PIWIL4: variants seen among roughly 807,000 people sequenced by gnomAD.
PIWIL4 encodes the protein piwi-like protein 4.
In PIWIL4, 50 loss-of-function variants were observed where a neutral mutation model predicts 100.9. The observed-to-expected ratio is 0.50, with a 90% CI of 0.39 to 0.63. PIWIL4 has a LOEUF of 0.63. Among genes scored for constraint, PIWIL4 ranks in the 20% least tolerant of loss-of-function variants. The pLI, the probability that PIWIL4 is intolerant of heterozygous loss-of-function variation, is 0.00. For synonymous variants in PIWIL4, 342 were observed against 367.5 expected, an observed-to-expected ratio of 0.93 and a Z score of 0.79; for missense variants, 887 against 1,043.3, an observed-to-expected ratio of 0.85 and a Z score of 2.06.
At chr11:94,605,805 CTTA>C (rs1948708976) in intron 13 of PIWIL4, among the ~76,000 whole-genome samples, 1 of 152,252 alleles carries the variant, frequency 6.6e-6, no homozygotes, top group East Asian at 1.9e-4. Context: ...GTCCATTACT[CTTA>C]TTATTTATTT....
At chr11:94,600,933 A>C (rs981842679) in intron 11 of PIWIL4, among the ~76,000 whole-genome samples, 1 of 152,008 alleles carries the variant, frequency 6.6e-6, no homozygotes, top group Admixed American at 6.6e-5. Context: ...GTTTAAGATT[A>C]TCTCTCTTTT....
At chr11:94,598,094 G>A (rs1948580785) in intron 11 of PIWIL4, among the ~76,000 whole-genome samples, 179 bp downstream of exon 11, 1 of 152,098 alleles carries the variant, frequency 6.6e-6, no homozygotes. Context: ...TTACTTGCAC[G>A]GACTTAGCGG....
chr11:94,573,529 T>C (rs1948190016), intron 2 of PIWIL4, among the ~76,000 whole-genome samples: 1 of 152,246 alleles, frequency 6.6e-6, no homozygotes, highest in South Asian at 2.1e-4. Flanking sequence ...AGGCCTTTTC[T>C]GCATCTATTG....
In PIWIL4 at chr11:94,608,528, T is replaced by C. The variant is rs181302469; in HGVS notation, c.1840-55T>C. ...TTTAAAAACTTTCCTATTAAACCAT[T>C]GGTAGGGGAAATGATACCTCATCCC... On this transcript the variant is annotated intron_variant, in intron 14 of 19. Coordinates refer to ENST00000299001, the MANE Select transcript of PIWIL4 (RefSeq NM_152431.3). 5.4e-3 allele frequency: 7,901 copies of C among 1,466,888 alleles called. 40 individuals carry two copies. The highest frequency in any genetic ancestry group is 6.9e-3 in the Non-Finnish European group (7,230 of 1,049,514). The allele number at this position is 1,466,888 out of a possible 1,614,324, so 90.9% of individuals were successfully genotyped here.
At chr11:94,592,436 GA>G (rs1948499293) in intron 8 of PIWIL4, among the ~76,000 whole-genome samples, 1 of 152,156 alleles carries the variant, frequency 6.6e-6, no homozygotes, top group African/African-American at 2.4e-5. Flanking sequence ...GCCGTTCCTG[GA>G]ACACAGTAAG....
At chr11:94,612,956 T>G (rs1049315106) in intron 15 of PIWIL4, among the ~76,000 whole-genome samples, 2 of 152,224 alleles carry the variant, frequency 1.3e-5, no homozygotes, top group African/African-American at 4.8e-5. Context: ...TTAAAATACT[T>G]TGATCTTTTA....
At chr11:94,617,860 A>G (rs1378978561) in intron 16 of PIWIL4, 94 bp from the exon 17 acceptor site, 2 of 1,383,118 alleles carry the variant, frequency 1.4e-6, no homozygotes, top group Admixed American at 3.5e-5. Flanking sequence ...GGTCTGAAAT[A>G]GCAAACCCAT....
intron 3 of PIWIL4, among the ~76,000 whole-genome samples, chr11:94,576,832 T>A (rs139896136): frequency 6.6e-6 from 1 of 152,228 alleles, no homozygotes; most frequent in African/African-American, 2.4e-5. Context: ...TATGATTAAC[T>A]TTTGATTATC....
At chr11:94,570,924 A>T (rs1394982022) in intron 2 of PIWIL4, among the ~76,000 whole-genome samples, 9 of 152,120 alleles carry the variant, frequency 5.9e-5, no homozygotes, top group African/African-American at 2.2e-4. Context: ...CAAACAAAAA[A>T]AACAATTTAG....
chr11:94,593,952 A>G (rs554157234), intron 9 of PIWIL4, among the ~76,000 whole-genome samples: 5 of 152,290 alleles, frequency 3.3e-5, no homozygotes, highest in East Asian at 1.9e-4. Flanking sequence ...CTTCAGGTGT[A>G]TCAGTAGAGT....
Position 94,583,588 on chromosome 11 carries a change from G to T in PIWIL4, c.635+19G>T. On this transcript the variant is annotated intron_variant, in intron 5 of 19. Transcript: ENST00000299001. ...TCAGAAAGTAAGGCACTGGAAATGT[G>T]AATTTAATTTGGGCTAATGATACCT... 2.5e-6 allele frequency: 4 copies of T among 1,613,320 alleles called. No homozygotes were observed. The South Asian group carries it at 4.4e-5, about 18-fold the overall frequency.
At chr11:94,610,285 G>C (rs907395168) in intron 15 of PIWIL4, among the ~76,000 whole-genome samples, 7 of 152,030 alleles carry the variant, frequency 4.6e-5, no homozygotes, top group Non-Finnish European at 8.8e-5. Context: ...AGTTGTCACA[G>C]GTTGATTCTA....
rs192448523 is a variant in PIWIL4 at position 94,585,627 on chromosome 11, G to A, written c.716+102G>A. 798 of 792,272 alleles carry A rather than the reference G, an allele frequency of 1.0e-3. 1 individual carries two copies. The African/African-American group carries it at 0.012, about 12-fold the overall frequency. 49.1% of individuals were successfully genotyped at this position (792,272 alleles called of 1,614,324 possible). On this transcript the variant is annotated intron_variant, in intron 6 of 19. Coordinates refer to ENST00000299001, the MANE Select transcript of PIWIL4 (RefSeq NM_152431.3). ...CATTATGCCTCCTGTGAGAGACTCT[G>A]TGATATGAAATGTAATGAATTTTTT...
At chr11:94,592,282 C>T (rs1948496589) in intron 8 of PIWIL4, among the ~76,000 whole-genome samples, 1 of 152,182 alleles carries the variant, frequency 6.6e-6, no homozygotes, top group Admixed American at 6.5e-5. Context: ...GCAAAGGGGA[C>T]AATAATAGTA....
At chr11:94,587,318 T>A in intron 7 of PIWIL4, 71 bp downstream of exon 7, 1 of 1,443,882 alleles carries the variant, frequency 6.9e-7, no homozygotes. Flanking sequence ...ATAGGAATAG[T>A]GTTGGAGTAT....
intron 14 of PIWIL4, chr11:94,608,274 G>C (rs1043176666): frequency 3.3e-5 from 9 of 276,016 alleles, no homozygotes; most frequent in Non-Finnish European, 5.5e-5. Context: ...GCAAGCGATA[G>C]ATACACTGAC....
rs1948356012 is a variant in PIWIL4 at position 94,583,552 on chromosome 11, C to T, written c.618C>T (p.Phe206=). 1 of 1,613,912 alleles carries T rather than the reference C, an allele frequency of 6.2e-7. No homozygotes were observed. Among genetic ancestry groups the T allele is most frequent in the Admixed American group, 1.7e-5 (1 of 60,006 alleles). The change falls in exon 5 of 20, where the codon TTC becomes TTT. Residue 206 remains phenylalanine, a synonymous_variant. Coordinates refer to ENST00000299001, the MANE Select transcript of PIWIL4 (RefSeq NM_152431.3). ...PSSSPVCIQV[F]NIIFRKILKK... is the part of the protein sequence containing the mutation. ...GTTCTCCCGTGTGCATCCAGGTCTT[C>T]AATATCATCTTCAGAAAGTAAGGCA...
intron 11 of PIWIL4, among the ~76,000 whole-genome samples, chr11:94,598,854 T>A (rs1246824300): frequency 6.6e-6 from 1 of 152,004 alleles, no homozygotes; most frequent in Non-Finnish European, 1.5e-5. Flanking sequence ...ACTATAGGCG[T>A]GCGCCACCAT....
chr11:94,579,222 C>T (rs1948282410), intron 4 of PIWIL4, among the ~76,000 whole-genome samples: 2 of 152,006 alleles, frequency 1.3e-5, no homozygotes, highest in South Asian at 2.1e-4. Flanking sequence ...ACTACTTGCT[C>T]GATCATAAGA....
Sources: gnomAD v4.1 joint callset for allele counts (sites outside exome capture counted in the v4.1 genomes callset) on GRCh38, gnomAD v4.1.1 for gene constraint, MANE v1.5 for transcripts, NCBI Gene and HGNC (gene_info 2026-07-23, HGNC 2026-07-21) for gene names.